UBR1: variants seen among roughly 807,000 people sequenced by gnomAD.
UBR1 encodes the protein ubiquitin protein ligase E3 component n-recognin 1.
In UBR1, 102 loss-of-function variants were observed where a neutral mutation model predicts 242.1. The ratio of observed to expected loss-of-function variants is 0.42; its 90% CI spans 0.36 to 0.50. The LOEUF is 0.50. Ranked by LOEUF, UBR1 falls within the 20% of genes least tolerant of loss-of-function variation. The pLI is 0.01. For missense variants in UBR1, 1,772 were observed against 2,101.8 expected (o/e 0.84, Z 3.07); for synonymous variants, 675 against 684.8 (o/e 0.99, Z 0.22).
At chr15:43,046,688 T>C (rs2033491080) in intron 14 of UBR1, among the ~76,000 whole-genome samples, 2 of 152,200 alleles carry the variant, frequency 1.3e-5, no homozygotes, top group South Asian at 4.1e-4. Flanking sequence ...ATAAATGAGG[T>C]CATCATTCTT....
chr15:43,021,208 C>A, intron 27 of UBR1, 67 bp downstream of exon 27: 1 of 1,345,596 alleles, frequency 7.4e-7, no homozygotes, highest in Admixed American at 1.7e-5. Context: ...TGGTTTAACA[C>A]TGGAGGCAAG....
At chr15:42,983,346 A>G (rs1482574150) in intron 37 of UBR1, among the ~76,000 whole-genome samples, 2 of 152,026 alleles carry the variant, frequency 1.3e-5, no homozygotes, top group Non-Finnish European at 2.9e-5. Flanking sequence ...AATATTTGGA[A>G]AATACAGATT....
intron 20 of UBR1, among the ~76,000 whole-genome samples, chr15:43,032,338 T>C (rs770729982): frequency 6.6e-5 from 10 of 152,194 alleles, no homozygotes; most frequent in Non-Finnish European, 1.3e-4. Flanking sequence ...ATATTTCACT[T>C]AGACCTATAA....
chr15:43,030,811 A>G (rs759895688), intron 20 of UBR1, among the ~76,000 whole-genome samples: 4 of 152,218 alleles, frequency 2.6e-5, no homozygotes, highest in Non-Finnish European at 5.9e-5. Context: ...TGATATCTAT[A>G]AGAGGGTTAC....
intron 29 of UBR1, among the ~76,000 whole-genome samples, chr15:43,009,167 C>T (rs892887711): frequency 9.2e-5 from 14 of 152,232 alleles, no homozygotes; most frequent in African/African-American, 3.4e-4. Context: ...GGAGCCCACA[C>T]CTAGGGGCTC....
chr15:42,970,163 A>G (rs1024685261), intron 40 of UBR1, among the ~76,000 whole-genome samples: 1 of 152,230 alleles, frequency 6.6e-6, no homozygotes, highest in Non-Finnish European at 1.5e-5. Flanking sequence ...CCAATGGAAC[A>G]GAACAGAGGC....
intron 12 of UBR1, among the ~76,000 whole-genome samples, chr15:43,050,144 T>C (rs1053559192): frequency 6.6e-6 from 1 of 152,130 alleles, no homozygotes; most frequent in African/African-American, 2.4e-5. Flanking sequence ...AGACAAAGTC[T>C]CACTATGTTG....
intron 6 of UBR1, among the ~76,000 whole-genome samples, chr15:43,066,191 C>G (rs2033750089): frequency 6.6e-6 from 1 of 152,098 alleles, no homozygotes; most frequent in Admixed American, 6.5e-5. Context: ...ATATGGCTAG[C>G]CAGTTATCCT....
At chr15:42,958,181 A>ATGGCG in intron 43 of UBR1, 91 bp from the exon 44 acceptor site, 1 of 890,580 alleles carries the variant, frequency 1.1e-6, no homozygotes, top group South Asian at 1.4e-5. Flanking sequence ...TCTTAAAAAT[A>ATGGCG]ACAAAAGGAT....
At chr15:43,047,132 C>T in intron 14 of UBR1, 29 bp downstream of exon 14, 1 of 1,613,500 alleles carries the variant, frequency 6.2e-7, no homozygotes, top group Non-Finnish European at 8.5e-7. Flanking sequence ...CTTAAAAAGG[C>T]ACTGATCCTA....
At chr15:43,069,724 T>C (rs1320257770) in intron 5 of UBR1, among the ~76,000 whole-genome samples, 3 of 152,170 alleles carry the variant, frequency 2.0e-5, no homozygotes. Flanking sequence ...ATGGTCACAA[T>C]GCCAACAGGC....
chr15:43,018,688 G>A (rs564612955), intron 27 of UBR1, among the ~76,000 whole-genome samples: 2 of 152,170 alleles, frequency 1.3e-5, no homozygotes, highest in Non-Finnish European at 2.9e-5. Flanking sequence ...ACTGTGCCCA[G>A]TAAAATTTAT....
chr15:43,038,465 G>A (rs958010804), intron 15 of UBR1, among the ~76,000 whole-genome samples: 20 of 151,982 alleles, frequency 1.3e-4, no homozygotes, highest in Middle Eastern at 3.2e-3. Context: ...AAAATTAGCC[G>A]GGCCTGTAAT....
At position 43,082,805 on chromosome 15, in the gene UBR1, C is replaced by T. The variant is rs76471986; in HGVS notation, c.339-89G>A. 2,482 of 924,504 alleles carry T rather than the reference C, an allele frequency of 2.7e-3. 22 individuals carry two copies. Among genetic ancestry groups the T allele is most frequent in the African/African-American group, 0.026 (1,586 of 61,602 alleles). The allele number at this position is 924,504 out of a possible 1,614,324, so 57.3% of individuals were successfully genotyped here. A position where few individuals can be genotyped will look rare whatever the true frequency, so the allele number is the denominator to read the frequency against. On this transcript the variant is annotated intron_variant, in intron 2 of 46. Coordinates refer to ENST00000290650, the MANE Select transcript of UBR1 (RefSeq NM_174916.3). ...CTATAATACAATGTGAACAAGTTTC[C>T]TCTATGGTACACAAACTGAATATGA... is the stretch of plus-strand genomic sequence containing the variant.
At chr15:43,082,920 G>A (rs946923099) in intron 2 of UBR1, among the ~76,000 whole-genome samples, 1 of 152,248 alleles carries the variant, frequency 6.6e-6, no homozygotes, top group African/African-American at 2.4e-5. Flanking sequence ...ACATTTAAGT[G>A]TGTAGGTCTG....
At chr15:43,078,360 G>A (rs992262500) in intron 3 of UBR1, among the ~76,000 whole-genome samples, 6 of 152,002 alleles carry the variant, frequency 3.9e-5, no homozygotes, top group South Asian at 2.1e-4. Context: ...GAAACAAGAC[G>A]TGCCAAACCC....
chr15:43,029,535 T>C (rs2033226144), intron 21 of UBR1, among the ~76,000 whole-genome samples: 2 of 152,184 alleles, frequency 1.3e-5, no homozygotes, highest in South Asian at 4.1e-4. Flanking sequence ...TATGTAACTT[T>C]CCTTCCCTCT....
chr15:43,052,979 G>C (rs1234661583), intron 12 of UBR1, among the ~76,000 whole-genome samples: 1 of 152,180 alleles, frequency 6.6e-6, no homozygotes, highest in Non-Finnish European at 1.5e-5. Context: ...ATTATATCAA[G>C]TACCTTCTAA....
At position 43,021,370 on chromosome 15, in the gene UBR1, C is replaced by T. The variant is rs759738235; in HGVS notation, c.2845G>A (p.Gly949Arg). ...FDFYHKASRL[G>R]SSAMNIQMLL... ...ATTTGTATATTCATGGCTGAACTTC[C>T]CAATCCTTTTTTAAAACACAAAATC... Residue 949 changes from glycine to arginine, a missense_variant, in exon 27 of 47, where the codon GGA (glycine) becomes AGA (arginine). Transcript: ENST00000290650. 2 of 1,613,308 alleles carry T rather than the reference C, an allele frequency of 1.2e-6. No individual in the cohort carries two copies. The highest frequency in any genetic ancestry group is 3.3e-5 in the Admixed American group (2 of 59,994).
Sources: allele counts gnomAD v4.1 joint callset (sites outside exome capture counted in the v4.1 genomes callset), GRCh38; gene constraint gnomAD v4.1.1; transcripts MANE v1.5; gene names NCBI Gene and HGNC (gene_info 2026-07-23, HGNC 2026-07-21).